HS6ST3: variants seen among roughly 807,000 people sequenced by gnomAD.
HS6ST3 encodes heparan-sulfate 6-O-sulfotransferase 3.
A neutral mutation model predicts 36.7 loss-of-function variants in HS6ST3; 12 were observed. That is an observed-to-expected ratio of 0.33 (90% CI 0.21 to 0.53). HS6ST3 has a LOEUF of 0.53. Among genes scored for constraint, HS6ST3 ranks in the 20% least tolerant of loss-of-function variants. HS6ST3 has a pLI of 0.95. For synonymous variants in HS6ST3, 240 were observed against 257.5 expected (o/e 0.93, Z 0.65); for missense variants, 584 against 640.9 (o/e 0.91, Z 0.96).
intron 1 of HS6ST3, among the ~76,000 whole-genome samples, chr13:96,596,052 T>C (rs895136922): frequency 6.6e-6 from 1 of 152,196 alleles, no homozygotes; most frequent in Admixed American, 6.5e-5. Context: ...AACCAAATAG[T>C]GTACATGGTA....
intron 1 of HS6ST3, among the ~76,000 whole-genome samples, chr13:96,131,970 A>G (rs1465725246): frequency 3.3e-5 from 5 of 152,036 alleles, no homozygotes; most frequent in Admixed American, 3.3e-4. Context: ...TCTGAGTTCA[A>G]TTTTTTTAGA....
intron 1 of HS6ST3, among the ~76,000 whole-genome samples, chr13:96,791,808 T>C (rs990555642): frequency 6.6e-6 from 1 of 152,072 alleles, no homozygotes; most frequent in Admixed American, 6.6e-5. Context: ...CTGTTTTCAA[T>C]TAATGATGAC....
chr13:96,240,414 G>T (rs1430558513), intron 1 of HS6ST3, among the ~76,000 whole-genome samples: 1 of 152,100 alleles, frequency 6.6e-6, no homozygotes, highest in East Asian at 1.9e-4. Flanking sequence ...TGCTAAGAAT[G>T]GTGGCTATAA....
At chr13:96,651,191 A>G (rs1249543118) in intron 1 of HS6ST3, among the ~76,000 whole-genome samples, 1 of 152,074 alleles carries the variant, frequency 6.6e-6, no homozygotes, top group South Asian at 2.1e-4. Flanking sequence ...AGCTCCTACT[A>G]TATGCCAGGA....
intron 1 of HS6ST3, among the ~76,000 whole-genome samples, chr13:96,190,026 A>G (rs1438769782): frequency 1.3e-5 from 2 of 152,200 alleles, no homozygotes; most frequent in Non-Finnish European, 2.9e-5. Context: ...AATTCATAAT[A>G]TATTATAAAT....
intron 1 of HS6ST3, among the ~76,000 whole-genome samples, chr13:96,210,551 T>C (rs2054393718): frequency 6.6e-6 from 1 of 152,198 alleles, no homozygotes; most frequent in African/African-American, 2.4e-5. Context: ...AGTTGCCTGT[T>C]TGTGTCCTTG....
chr13:96,317,420 C>G (rs537247803), intron 1 of HS6ST3, among the ~76,000 whole-genome samples: 1 of 127,116 alleles, frequency 7.9e-6, no homozygotes, highest in African/African-American at 3.0e-5. Context: ...ATATATATAT[C>G]ATGGAATACA....
At chr13:96,797,997 A>C (rs1299896149) in intron 1 of HS6ST3, among the ~76,000 whole-genome samples, 1 of 152,076 alleles carries the variant, frequency 6.6e-6, no homozygotes, top group Non-Finnish European at 1.5e-5. Context: ...TCACAAGCCC[A>C]CAGGTTGGTT....
At chr13:96,783,083 AG>A (rs1179738534) in intron 1 of HS6ST3, among the ~76,000 whole-genome samples, 1 of 152,238 alleles carries the variant, frequency 6.6e-6, no homozygotes, top group Non-Finnish European at 1.5e-5. Flanking sequence ...TGTTTGTTCA[AG>A]GAACAAAGAG....
intron 1 of HS6ST3, among the ~76,000 whole-genome samples, chr13:96,284,305 C>A (rs1393379279): frequency 2.0e-5 from 3 of 152,118 alleles, no homozygotes; most frequent in Non-Finnish European, 4.4e-5. Context: ...AGGCTGTCTG[C>A]AAGCTGAGGA....
intron 1 of HS6ST3, among the ~76,000 whole-genome samples, chr13:96,528,229 C>T (rs2056121941): frequency 6.6e-6 from 1 of 152,188 alleles, no homozygotes; most frequent in Non-Finnish European, 1.5e-5. Context: ...CCGTGTTTTT[C>T]ATGGAACACT....
intron 1 of HS6ST3, among the ~76,000 whole-genome samples, chr13:96,172,743 CAGA>C (rs886537460): frequency 6.6e-6 from 1 of 152,144 alleles, no homozygotes; most frequent in Admixed American, 6.5e-5. Flanking sequence ...AAGGAGAAAG[CAGA>C]AGAACACAAC....
intron 1 of HS6ST3, among the ~76,000 whole-genome samples, chr13:96,417,016 C>G (rs773469439): frequency 6.6e-6 from 1 of 152,176 alleles, no homozygotes; most frequent in Non-Finnish European, 1.5e-5. Context: ...TCCCGAAATG[C>G]TGGGATTACA....
intron 1 of HS6ST3, among the ~76,000 whole-genome samples, chr13:96,158,939 A>T (rs1173652991): frequency 6.6e-6 from 1 of 152,132 alleles, no homozygotes; most frequent in Non-Finnish European, 1.5e-5. Context: ...GGGGGCAAGG[A>T]CACATAGGCA....
At chr13:96,559,118 CTATCTATT>C (rs1240325300) in intron 1 of HS6ST3, among the ~76,000 whole-genome samples, 3 of 96,452 alleles carry the variant, frequency 3.1e-5, no homozygotes, top group South Asian at 3.3e-4. Context: ...ATCTATCTAT[CTATCTATT>C]TATTTATTGA....
At chr13:96,318,353 A>G (rs1406960373) in intron 1 of HS6ST3, among the ~76,000 whole-genome samples, 1 of 152,100 alleles carries the variant, frequency 6.6e-6, no homozygotes, top group Non-Finnish European at 1.5e-5. Flanking sequence ...CCAACATGGC[A>G]AAACCCTGTC....
Position 96,771,606 on chromosome 13 carries a change from C to T in HS6ST3, c.708-60884C>T, listed in dbSNP as rs140498232. Among the ~76,000 whole-genome samples the T allele has an allele frequency of 8.0e-4, 122 of 152,220 alleles. 3 individuals are homozygous for T. The highest frequency in any genetic ancestry group is 2.6e-3 in the African/African-American group (110 of 41,538). ...GAGAAAGCAGATGTACATTTAGGAG[C>T]GTTGTAATAAACAAATGTGCGTTAT... On this transcript the variant is annotated intron_variant, in intron 1 of 1. Coordinates refer to ENST00000376705, the MANE Select transcript of HS6ST3 (RefSeq NM_153456.4).
At chr13:96,118,194 T>C (rs1002265578) in intron 1 of HS6ST3, among the ~76,000 whole-genome samples, 1 of 151,994 alleles carries the variant, frequency 6.6e-6, no homozygotes, top group Non-Finnish European at 1.5e-5. Context: ...TATTTGGAGG[T>C]AGAACCTTTG....
At chr13:96,633,546 A>C (rs1342487175) in intron 1 of HS6ST3, among the ~76,000 whole-genome samples, 1 of 152,226 alleles carries the variant, frequency 6.6e-6, no homozygotes, top group Non-Finnish European at 1.5e-5. Flanking sequence ...AGATGTAGGC[A>C]TTGAGCACAG....
Sources: gnomAD v4.1 joint callset for allele counts (sites outside exome capture counted in the v4.1 genomes callset) on GRCh38, gnomAD v4.1.1 for gene constraint, MANE v1.5 for transcripts, NCBI Gene and HGNC (gene_info 2026-07-23, HGNC 2026-07-21) for gene names.